Variants in METAP1 observed in about 807,000 individuals in gnomAD.
METAP1 encodes methionine aminopeptidase 1.
A neutral mutation model predicts 53.8 loss-of-function variants in METAP1; 28 were observed. The ratio of observed to expected loss-of-function variants is 0.52; its 90% CI spans 0.39 to 0.71. The LOEUF (loss-of-function observed/expected upper bound fraction) is 0.71. Among genes scored for constraint, METAP1 ranks in the 30% least tolerant of loss-of-function variants. The probability of loss-of-function intolerance (pLI) is 0.00; values close to 1 mark genes in which losing one functional copy is unlikely to be tolerated. For synonymous variants in METAP1, 181 were observed against 165.7 expected (o/e 1.09, Z -0.71); for missense variants, 389 against 479.8 (o/e 0.81, Z 1.77).
rs1370829632 is a variant in METAP1, at chr4:99,062,122, A to G, written c.*805A>G. ...ATTTCAGACCTCTGTTTGGTCAGAAATGGAAAAGAAAAAGCCCCCTTTCTT... is the reference window on the plus strand; with the variant it reads ...ATTTCAGACCTCTGTTTGGTCAGAAGTGGAAAAGAAAAAGCCCCCTTTCTT... On this transcript the variant is annotated 3_prime_UTR_variant, in exon 11 of 11. Coordinates refer to ENST00000296411, the MANE Select transcript of METAP1 (RefSeq NM_015143.3). 6.6e-6 allele frequency: 1 copy of G among 152,250 alleles called. No individual in the cohort carries two copies. The highest frequency in any genetic ancestry group is 1.9e-4 in the East Asian group (1 of 5,200). The allele number at this position is 152,250 out of a possible 1,614,324, so 9.4% of individuals were successfully genotyped here.
intron 1 of METAP1, among the ~76,000 whole-genome samples, chr4:99,002,735 C>T (rs1722980159): frequency 6.6e-6 from 1 of 152,146 alleles, no homozygotes; most frequent in Non-Finnish European, 1.5e-5. Context: ...AAGATTTCTT[C>T]CTGATACACC....
At chr4:99,041,221 G>A in intron 6 of METAP1, 95 bp downstream of exon 6, 1 of 769,524 alleles carries the variant, frequency 1.3e-6, no homozygotes, top group Non-Finnish European at 2.0e-6. Context: ...GAGTGTCTAA[G>A]GTAACTTGGG....
At chr4:99,034,189 C>T (rs1164497675) in intron 2 of METAP1, 41 bp from the exon 3 acceptor site, 18 of 1,203,338 alleles carry the variant, frequency 1.5e-5, no homozygotes, top group Non-Finnish European at 2.0e-5. Context: ...CCTTTCCCTC[C>T]TTCTCCTCCT....
chr4:99,010,694 A>G (rs1370738137), intron 1 of METAP1, among the ~76,000 whole-genome samples: 2 of 152,084 alleles, frequency 1.3e-5, no homozygotes, highest in Non-Finnish European at 2.9e-5. Context: ...ATTTTTTTCA[A>G]TTTCTGCAAA....
intron 1 of METAP1, among the ~76,000 whole-genome samples, chr4:99,002,876 G>A (rs898099775): frequency 2.0e-5 from 3 of 152,102 alleles, no homozygotes; most frequent in Admixed American, 6.6e-5. Flanking sequence ...GATCAGCCTG[G>A]TCAACATGGG....
At chr4:99,019,443 AT>A (rs1169809748) in intron 1 of METAP1, among the ~76,000 whole-genome samples, 1 of 152,136 alleles carries the variant, frequency 6.6e-6, no homozygotes, top group African/African-American at 2.4e-5. Flanking sequence ...GTTTTTCCAC[AT>A]TTATAATACC....
chr4:99,055,166 G>A (rs774205508), intron 9 of METAP1, among the ~76,000 whole-genome samples: 1 of 151,998 alleles, frequency 6.6e-6, no homozygotes, highest in Non-Finnish European at 1.5e-5. Context: ...TGAAGCAGGC[G>A]GATCATTTGA....
chr4:99,001,952 A>T (rs1722945307), intron 1 of METAP1, among the ~76,000 whole-genome samples: 8 of 152,156 alleles, frequency 5.3e-5, no homozygotes, highest in Admixed American at 5.2e-4. Context: ...ACAACAAAAA[A>T]ACGAGCATCA....
chr4:99,024,999 CA>C (rs1482373483), intron 1 of METAP1, among the ~76,000 whole-genome samples: 1 of 152,192 alleles, frequency 6.6e-6, no homozygotes, highest in Non-Finnish European at 1.5e-5. Context: ...ATGTGCAGTT[CA>C]AAATAGAGTT....
intron 1 of METAP1, among the ~76,000 whole-genome samples, chr4:99,018,367 G>A (rs1339353075): frequency 1.3e-5 from 2 of 152,192 alleles, no homozygotes; most frequent in Non-Finnish European, 2.9e-5. Flanking sequence ...CCAGATATAA[G>A]TATGTCATCC....
intron 10 of METAP1, 90 bp downstream of exon 10, chr4:99,057,908 G>C (rs1727267986): frequency 4.4e-6 from 5 of 1,135,244 alleles, no homozygotes; most frequent in Non-Finnish European, 6.3e-6. Context: ...CTACCTGCTT[G>C]CTTTTTGCTT....
intron 9 of METAP1, among the ~76,000 whole-genome samples, chr4:99,054,570 A>T (rs1726962263): frequency 6.6e-6 from 1 of 152,138 alleles, no homozygotes; most frequent in African/African-American, 2.4e-5. Flanking sequence ...TCCTTCAAGA[A>T]CTTTCCCTCT....
chr4:99,043,457 C>A, intron 7 of METAP1, 70 bp downstream of exon 7: 1 of 1,454,820 alleles, frequency 6.9e-7, no homozygotes, highest in Non-Finnish European at 9.3e-7. Context: ...CTGACAGTGA[C>A]TTGTGTTTTC....
At chr4:99,023,113 C>A in intron 1 of METAP1, 1 of 1,020,746 alleles carries the variant, frequency 9.8e-7, no homozygotes, top group Non-Finnish European at 1.4e-6. Flanking sequence ...GCGGCCTTCT[C>A]CGATTCCTCT....
intron 1 of METAP1, among the ~76,000 whole-genome samples, chr4:99,020,063 A>G (rs1356660040): frequency 1.3e-5 from 2 of 152,188 alleles, no homozygotes; most frequent in African/African-American, 2.4e-5. Flanking sequence ...CAGGAAATGT[A>G]ACATCCGCTG....
chr4:99,014,314 G>A (rs530336102), intron 1 of METAP1, among the ~76,000 whole-genome samples: 2 of 152,198 alleles, frequency 1.3e-5, no homozygotes, highest in South Asian at 2.1e-4. Context: ...TGGAATGAAC[G>A]TGCAGTATTG....
chr4:99,025,344 T>C, intron 1 of METAP1: 4 of 980,856 alleles, frequency 4.1e-6, no homozygotes, highest in Non-Finnish European at 3.6e-6. Flanking sequence ...GTTTGAGTTA[T>C]AATTTTGCAG....
At chr4:99,002,993 C>T (rs572997406) in intron 1 of METAP1, among the ~76,000 whole-genome samples, 2 of 152,186 alleles carry the variant, frequency 1.3e-5, no homozygotes, top group Non-Finnish European at 2.9e-5. Context: ...TCTCTTGAAC[C>T]TGAGAGGTGG....
intron 9 of METAP1, among the ~76,000 whole-genome samples, chr4:99,055,938 T>C (rs1016430153): frequency 7.9e-5 from 12 of 152,254 alleles, no homozygotes; most frequent in Non-Finnish European, 1.8e-4. Flanking sequence ...TTTTCTTTTC[T>C]TCCTTTTTTC....
Sources: gnomAD v4.1 joint callset for allele counts (sites outside exome capture counted in the v4.1 genomes callset) on GRCh38, gnomAD v4.1.1 for gene constraint, MANE v1.5 for transcripts, NCBI Gene and HGNC (gene_info 2026-07-23, HGNC 2026-07-21) for gene names.